RABGAP1: variants seen among roughly 807,000 people sequenced by gnomAD.
RABGAP1 encodes the protein rab GTPase-activating protein 1.
In RABGAP1, 23 loss-of-function variants were observed where a neutral mutation model predicts 137.6. The ratio of observed to expected loss-of-function variants is 0.17; its 90% confidence interval spans 0.12 to 0.24. The LOEUF (loss-of-function observed/expected upper bound fraction) is 0.24. Ranked by LOEUF, RABGAP1 falls within the 10% of genes least tolerant of loss-of-function variation. RABGAP1 has a pLI of 1.00. For missense variants in RABGAP1, 906 were observed against 1,275.8 expected (o/e 0.71, Z 4.42); for synonymous variants, 451 against 450.7 (o/e 1.00, Z -0.01).
At position 122,986,158 on chromosome 9, in the gene RABGAP1, G is replaced by C. The variant is rs1044210331; in HGVS notation, c.386-57G>C. 5 of 1,502,804 alleles carry C rather than the reference G, an allele frequency of 3.3e-6. No individual in the cohort carries two copies. In the African/African-American group the frequency reaches 4.2e-5, roughly 12 times the overall value. 93.1% of individuals were successfully genotyped at this position (1,502,804 alleles called of 1,614,324 possible). A position where few individuals can be genotyped will look rare whatever the true frequency, so the allele number is the denominator to read the frequency against. On this transcript the variant is annotated intron_variant, in intron 3 of 25. Coordinates refer to ENST00000373647, the MANE Select transcript of RABGAP1 (RefSeq NM_012197.4). ...ACTTGCAGATTTTTACTTGCTAATC[G>C]TATCAACAAAATATCAAAGTGAAAG...
chr9:122,958,179 C>T (rs1014528836), intron 2 of RABGAP1, among the ~76,000 whole-genome samples: 1 of 152,050 alleles, frequency 6.6e-6, no homozygotes, highest in Non-Finnish European at 1.5e-5. Context: ...CAGTGGCAAA[C>T]AGTTAAAAAT....
intron 13 of RABGAP1, among the ~76,000 whole-genome samples, chr9:123,058,203 C>T (rs577325088): frequency 1.5e-4 from 23 of 152,164 alleles, no homozygotes; most frequent in African/African-American, 5.5e-4. Context: ...CTGCATATCC[C>T]AAAGCTGGAG....
At chr9:122,943,252 A>G (rs1588145004) in intron 1 of RABGAP1, among the ~76,000 whole-genome samples, 2 of 152,010 alleles carry the variant, frequency 1.3e-5, no homozygotes, top group South Asian at 4.2e-4. Flanking sequence ...TATTTTTACT[A>G]GAGACGGGGT....
At chr9:122,980,244 A>G (rs557230584) in intron 2 of RABGAP1, among the ~76,000 whole-genome samples, 1 of 152,328 alleles carries the variant, frequency 6.6e-6, no homozygotes, top group South Asian at 2.1e-4. Context: ...CTTCTGATCT[A>G]TACCATTAAG....
intron 21 of RABGAP1, among the ~76,000 whole-genome samples, chr9:123,091,434 T>C (rs2035029669): frequency 1.3e-5 from 2 of 152,186 alleles, no homozygotes; most frequent in African/African-American, 4.8e-5. Flanking sequence ...TTTCATCAGA[T>C]TCTCAAAGTG....
chr9:122,946,739 G>A (rs1333607762), intron 1 of RABGAP1, among the ~76,000 whole-genome samples: 1 of 152,176 alleles, frequency 6.6e-6, no homozygotes, highest in African/African-American at 2.4e-5. Context: ...AAAAATTAAA[G>A]TGTGTTTCCT....
At chr9:123,028,975 T>G (rs949929885) in intron 13 of RABGAP1, among the ~76,000 whole-genome samples, 1 of 152,218 alleles carries the variant, frequency 6.6e-6, no homozygotes, top group African/African-American at 2.4e-5. Context: ...TTTTTGCTTA[T>G]TATCTGTATT....
intron 19 of RABGAP1, among the ~76,000 whole-genome samples, chr9:123,084,799 A>G (rs1393987488): frequency 6.6e-6 from 1 of 152,224 alleles, no homozygotes; most frequent in South Asian, 2.1e-4. Context: ...TCTTCATAAC[A>G]GTAGTCTTCA....
chr9:123,093,270 A>C (rs2035081686), intron 21 of RABGAP1, among the ~76,000 whole-genome samples: 1 of 152,194 alleles, frequency 6.6e-6, no homozygotes, highest in Non-Finnish European at 1.5e-5. Flanking sequence ...TCTTCACACA[A>C]CAGCTGTGGA....
chr9:122,970,147 C>T lies in RABGAP1; in HGVS notation c.150+12938C>T, dbSNP rs1588188773. ...CAGGCTGGTCTTGAACTCTTGGCCTCAAGTGGTCCACCTGCCTCAGCCTCC... is the reference window on the plus strand; with the variant it reads ...CAGGCTGGTCTTGAACTCTTGGCCTTAAGTGGTCCACCTGCCTCAGCCTCC... On this transcript the variant is annotated intron_variant, in intron 2 of 25. Coordinates refer to ENST00000373647, the MANE Select transcript of RABGAP1 (RefSeq NM_012197.4). Among the ~76,000 whole-genome samples the T allele has an allele frequency of 2.6e-5, 4 of 151,004 alleles. No individual in the cohort carries two copies. In the East Asian group the frequency reaches 5.8e-4, roughly 22 times the overall value.
At chr9:123,054,191 TC>T (rs2033603572) in intron 13 of RABGAP1, among the ~76,000 whole-genome samples, 1 of 152,178 alleles carries the variant, frequency 6.6e-6, no homozygotes, top group African/African-American at 2.4e-5. Context: ...CACTCAAAGA[TC>T]ATCATAATTG....
At chr9:122,953,405 C>CTTT (rs775177739) in intron 1 of RABGAP1, among the ~76,000 whole-genome samples, 1 of 143,274 alleles carries the variant, frequency 7.0e-6, no homozygotes, top group Non-Finnish European at 1.5e-5. Flanking sequence ...GAACCAGTAT[C>CTTT]TTTTTTTTTT....
chr9:123,085,532 A>T (rs2034837264), intron 19 of RABGAP1, among the ~76,000 whole-genome samples: 1 of 152,218 alleles, frequency 6.6e-6, no homozygotes. Flanking sequence ...TTGAATTTCA[A>T]ATTTAATTTT....
chr9:123,056,481 C>CTT (rs530004900), intron 13 of RABGAP1, among the ~76,000 whole-genome samples: 21 of 131,854 alleles, frequency 1.6e-4, no homozygotes, highest in African/African-American at 5.1e-4. Flanking sequence ...TTTCTTTTTT[C>CTT]TTTTTTTTTT....
At chr9:122,958,118 C>T (rs1834633698) in intron 2 of RABGAP1, among the ~76,000 whole-genome samples, 1 of 152,312 alleles carries the variant, frequency 6.6e-6, no homozygotes, top group African/African-American at 2.4e-5. Context: ...CATTTCACTC[C>T]CACTTGTCTG....
intron 6 of RABGAP1, among the ~76,000 whole-genome samples, chr9:122,991,377 A>G (rs1836712921): frequency 6.6e-6 from 1 of 152,216 alleles, no homozygotes; most frequent in Non-Finnish European, 1.5e-5. Context: ...AAATGAAGTT[A>G]TATAAAAATA....
intron 13 of RABGAP1, among the ~76,000 whole-genome samples, chr9:123,040,228 G>A (rs922370887): frequency 1.8e-4 from 28 of 152,160 alleles, no homozygotes; most frequent in Non-Finnish European, 4.4e-5. Flanking sequence ...TTCCTGGTGG[G>A]CCACCCCCAC....
intron 1 of RABGAP1, 146 bp from the exon 2 acceptor site, chr9:122,956,865 C>A (rs570664606): frequency 9.0e-6 from 3 of 331,880 alleles, no homozygotes; most frequent in South Asian, 1.3e-4. Flanking sequence ...TAAAAAAAAA[C>A]CCTAAGCTAT....
intron 13 of RABGAP1, chr9:123,035,639 CGTGTGTGTGTGTGT>C (rs5900552): frequency 0.099 from 67,780 of 685,208 alleles, 3,007 homozygotes; most frequent in African/African-American, 0.34. Flanking sequence ...ACGGGGTTCC[CGTGTGTGTGTGTGT>C]GTGTGTGTGT....
Sources: gnomAD v4.1 joint callset for allele counts (sites outside exome capture counted in the v4.1 genomes callset) on GRCh38, gnomAD v4.1.1 for gene constraint, MANE v1.5 for transcripts, NCBI Gene and HGNC (gene_info 2026-07-23, HGNC 2026-07-21) for gene names.